CNIH3: variants seen among roughly 807,000 people sequenced by gnomAD.
CNIH3 encodes the protein cornichon family AMPA receptor auxiliary protein 3, also known as protein cornichon homolog 3.
CNIH3 carries 14 observed loss-of-function variants against 24.1 expected under a neutral mutation model. That is an observed-to-expected ratio of 0.58 (90% confidence interval 0.38 to 0.91). The LOEUF is 0.91. Ranked by LOEUF, CNIH3 falls within the 40% of genes least tolerant of loss-of-function variation. CNIH3 has a pLI of 0.00. For missense variants in CNIH3, 178 were observed against 196.8 expected (o/e 0.90, Z 0.57); for synonymous variants, 68 against 73.8 (o/e 0.92, Z 0.40).
intron 4 of CNIH3, chr1:224,583,159 C>A (rs1163024943): frequency 6.6e-6 from 1 of 152,114 alleles, no homozygotes; most frequent in Non-Finnish European, 1.5e-5. Context: ...ACTTACTGTC[C>A]CCAGGCACAT....
At chr1:224,717,004 C>T (rs1042481065) in intron 3 of CNIH3, among the ~76,000 whole-genome samples, 2 of 152,068 alleles carry the variant, frequency 1.3e-5, no homozygotes, top group Non-Finnish European at 2.9e-5. Context: ...GGACGGGTGA[C>T]CTTTCCTTCC....
chr1:224,527,018 C>A (rs150282114), intron 2 of CNIH3, among the ~76,000 whole-genome samples: 3 of 152,172 alleles, frequency 2.0e-5, no homozygotes, highest in African/African-American at 7.2e-5. Context: ...CCCATCAGGC[C>A]CGCCTCCAAC....
intron 4 of CNIH3, among the ~76,000 whole-genome samples, chr1:224,570,542 C>CT (rs59041319): frequency 0.029 from 4,484 of 152,196 alleles, 229 homozygotes; most frequent in African/African-American, 0.1. Context: ...ATTAAGATGT[C>CT]TTTTTCTTAT....
chr1:224,538,600 A>G (rs1479350898), downstream of CNIH3, among the ~76,000 whole-genome samples: 2 of 151,166 alleles, frequency 1.3e-5, no homozygotes, highest in African/African-American at 4.9e-5. Context: ...TCTTTACTAC[A>G]TCTTGGACAA....
rs572559270 is a variant in CNIH3 at position 224,690,900 on chromosome 1, A to G, written c.198+6057A>G. ...ACCACCGGTGCTCCCACTAATGGGC[A>G]CCTGTGTCGGTTTCTTGTTAAAGCT... is the stretch of plus-strand genomic sequence containing the variant. On this transcript the variant is annotated intron_variant, in intron 3 of 5. Transcript: ENST00000272133. 1.6e-3 allele frequency among the ~76,000 whole-genome samples: 246 copies of G among 152,180 alleles called. 3 individuals are homozygous for G. The highest frequency in any genetic ancestry group is 5.7e-3 in the African/African-American group (235 of 41,516).
chr1:224,460,439 C>T (rs1045516970), intron 1 of CNIH3, among the ~76,000 whole-genome samples: 9 of 152,136 alleles, frequency 5.9e-5, no homozygotes, highest in Non-Finnish European at 1.0e-4. Context: ...CCTGCAGATT[C>T]GTTTGCATTT....
At chr1:224,660,523 A>AG (rs1685300086) in intron 1 of CNIH3, among the ~76,000 whole-genome samples, 1 of 145,940 alleles carries the variant, frequency 6.9e-6, no homozygotes, top group African/African-American at 2.6e-5. Context: ...TTTTTTTTTC[A>AG]GGAAAAATGC....
At chr1:224,702,029 T>C (rs575646619) in intron 3 of CNIH3, among the ~76,000 whole-genome samples, 10 of 152,364 alleles carry the variant, frequency 6.6e-5, no homozygotes, top group Non-Finnish European at 1.5e-4. Flanking sequence ...CCCGTCATGC[T>C]GTATCTCCAC....
chr1:224,650,239 C>G (rs1307739202), intron 1 of CNIH3, among the ~76,000 whole-genome samples: 1 of 152,048 alleles, frequency 6.6e-6, no homozygotes. Context: ...CTATTCCAGG[C>G]TAAGGATGGA....
At chr1:224,435,451 G>C (rs1056459599) in intron 1 of CNIH3, among the ~76,000 whole-genome samples, 2 of 152,186 alleles carry the variant, frequency 1.3e-5, no homozygotes, top group African/African-American at 4.8e-5. Context: ...ATATCTTATG[G>C]GGACAAGAAG....
At chr1:224,441,661 G>GCAT (rs1325368386) in intron 1 of CNIH3, among the ~76,000 whole-genome samples, 1 of 152,190 alleles carries the variant, frequency 6.6e-6, no homozygotes, top group Non-Finnish European at 1.5e-5. Context: ...ATATGTGTAT[G>GCAT]CATCCCCTGT....
chr1:224,715,667 G>T (rs1350204964), intron 3 of CNIH3, among the ~76,000 whole-genome samples: 1 of 152,230 alleles, frequency 6.6e-6, no homozygotes, highest in East Asian at 1.9e-4. Context: ...ATGGAAGCAG[G>T]TGTGTGCAGA....
At chr1:224,490,010 T>G (rs1677181813) in intron 1 of CNIH3, among the ~76,000 whole-genome samples, 1 of 152,098 alleles carries the variant, frequency 6.6e-6, no homozygotes, top group South Asian at 2.1e-4. Context: ...ATCATAGCAA[T>G]AGGTATGTAG....
chr1:224,731,946 T>C (rs904978815), intron 4 of CNIH3, among the ~76,000 whole-genome samples: 3 of 152,338 alleles, frequency 2.0e-5, no homozygotes, highest in African/African-American at 7.2e-5. Flanking sequence ...GAGTATGGTA[T>C]GGAGGGCCTG....
At chr1:224,577,837 A>T (rs1681101466) in intron 4 of CNIH3, among the ~76,000 whole-genome samples, 2 of 152,196 alleles carry the variant, frequency 1.3e-5, no homozygotes. Context: ...CAACCAACAA[A>T]TGGATAAAGA....
chr1:224,613,839 C>CA (rs968428127), upstream of CNIH3, among the ~76,000 whole-genome samples: 5 of 151,954 alleles, frequency 3.3e-5, no homozygotes, highest in African/African-American at 4.8e-5. Context: ...AACGGTGAGC[C>CA]AATTGAACCT....
chr1:224,597,180 A>G (rs929296695), intron 3 of CNIH3, among the ~76,000 whole-genome samples: 2 of 152,008 alleles, frequency 1.3e-5, no homozygotes, highest in Non-Finnish European at 2.9e-5. Flanking sequence ...CAAACAAAAA[A>G]AAAAACAAAA....
At chr1:224,453,183 A>G (rs1675498343) in intron 1 of CNIH3, among the ~76,000 whole-genome samples, 1 of 151,442 alleles carries the variant, frequency 6.6e-6, no homozygotes, top group Non-Finnish European at 1.5e-5. Flanking sequence ...ATATATTTTT[A>G]TTTTAGAGAG....
chr1:224,450,991 T>C (rs1675372531), intron 1 of CNIH3, among the ~76,000 whole-genome samples: 1 of 152,214 alleles, frequency 6.6e-6, no homozygotes. Flanking sequence ...ATTTATCTAT[T>C]CCTTATTATT....
Sources: allele counts gnomAD v4.1 joint callset (sites outside exome capture counted in the v4.1 genomes callset), GRCh38; gene constraint gnomAD v4.1.1; transcripts MANE v1.5; gene names NCBI Gene and HGNC (gene_info 2026-07-23, HGNC 2026-07-21).